The following SQOR variants were observed in gnomAD, a reference collection of about 807,000 sequenced individuals.
The protein encoded by SQOR is sulfide quinone oxidoreductase, also known as sulfide:quinone oxidoreductase, mitochondrial.
In SQOR, 39 loss-of-function variants were observed where a neutral mutation model predicts 48.6. That is an observed-to-expected ratio of 0.80 (90% CI 0.62 to 1.05). The LOEUF (loss-of-function observed/expected upper bound fraction) is 1.05, where lower values mean the gene tolerates loss of function less well. Among genes scored for constraint, SQOR ranks in the 50% least tolerant of loss-of-function variants. The pLI is 0.00. For synonymous variants in SQOR, 220 were observed against 206.2 expected, an observed-to-expected ratio of 1.07 and a Z score of -0.57; for missense variants, 561 against 559.9, an observed-to-expected ratio of 1.00 and a Z score of -0.02.
chr15:45,664,515 T>G (rs1889778367), intron 3 of SQOR, among the ~76,000 whole-genome samples: 1 of 152,122 alleles, frequency 6.6e-6, no homozygotes, highest in African/African-American at 2.4e-5. Context: ...TTATTCTGCT[T>G]TAAACACCAT....
chr15:45,683,988 T>C (rs1375542920), intron 7 of SQOR, among the ~76,000 whole-genome samples: 1 of 152,120 alleles, frequency 6.6e-6, no homozygotes, highest in Admixed American at 6.5e-5. Flanking sequence ...CTCAGCTCAC[T>C]GCAACCTCTG....
chr15:45,660,025 G>A (rs1477301826), intron 2 of SQOR, among the ~76,000 whole-genome samples: 3 of 152,192 alleles, frequency 2.0e-5, no homozygotes, highest in Non-Finnish European at 1.5e-5. Flanking sequence ...CAGATTATAA[G>A]GGAGAAAAGG....
At chr15:45,683,679 A>G (rs117746221) in intron 7 of SQOR, among the ~76,000 whole-genome samples, 4,076 of 152,236 alleles carry the variant, frequency 0.027, 92 homozygotes, top group South Asian at 0.086. Flanking sequence ...TGTCTTTTTC[A>G]TTATTAATAT....
rs756330144 is a variant in SQOR, at chr15:45,676,157, C to T, written c.711C>T (p.Phe237=). 53 of 1,614,030 alleles carry T rather than the reference C, an allele frequency of 3.3e-5. No individual in the cohort carries two copies. The highest frequency in any genetic ancestry group is 1.6e-4 in the South Asian group (15 of 91,080). ...IIFNTSLGAI[F]GVKKYADALQ... ...TCAACACTTCTCTTGGAGCCATTTT[C>T]GGGGTTAAGAAGTATGCAGATGCCC... The change falls in exon 6 of 10, where the codon TTC becomes TTT. Residue 237 remains phenylalanine (F), a synonymous_variant. Coordinates refer to ENST00000260324, the MANE Select transcript of SQOR (RefSeq NM_021199.4).
chr15:45,674,887 G>T (rs2140956876), intron 5 of SQOR, among the ~76,000 whole-genome samples: 1 of 152,294 alleles, frequency 6.6e-6, no homozygotes, highest in East Asian at 1.9e-4. Context: ...AGCTAGTCGT[G>T]TATGGGGACA....
At chr15:45,677,176 T>C (rs1890052149) in intron 6 of SQOR, among the ~76,000 whole-genome samples, 1 of 149,094 alleles carries the variant, frequency 6.7e-6, no homozygotes, top group South Asian at 2.1e-4. Context: ...ATCATTTGAT[T>C]TCTTCCTTCC....
intron 1 of SQOR, among the ~76,000 whole-genome samples, chr15:45,640,796 G>T (rs564403376): frequency 2.4e-4 from 36 of 152,278 alleles, no homozygotes; most frequent in African/African-American, 8.4e-4. Flanking sequence ...CCTGTTGTGT[G>T]ACTGGGAGTA....
intron 1 of SQOR, among the ~76,000 whole-genome samples, chr15:45,656,356 G>A (rs80147135): frequency 0.015 from 2,293 of 152,258 alleles, 67 homozygotes; most frequent in South Asian, 0.11. Context: ...CTGGAGTACA[G>A]TGGTGAAATC....
chr15:45,650,800 G>C (rs1595572465), intron 1 of SQOR, among the ~76,000 whole-genome samples: 1 of 152,190 alleles, frequency 6.6e-6, no homozygotes, highest in Non-Finnish European at 1.5e-5. Flanking sequence ...GCTGATTGGT[G>C]TATCTACAAT....
intron 1 of SQOR, among the ~76,000 whole-genome samples, chr15:45,647,215 C>T (rs1228590146): frequency 1.3e-5 from 2 of 152,038 alleles, no homozygotes; most frequent in Non-Finnish European, 2.9e-5. Context: ...TGCCACCGCA[C>T]TCCAGTCTGG....
At chr15:45,637,874 A>G (rs1416095662) in intron 1 of SQOR, among the ~76,000 whole-genome samples, 2 of 152,208 alleles carry the variant, frequency 1.3e-5, no homozygotes, top group African/African-American at 4.8e-5. Flanking sequence ...TTCTCCTTTC[A>G]CGTTTCCCTG....
At chr15:45,637,688 A>C (rs992376010) in intron 1 of SQOR, among the ~76,000 whole-genome samples, 22 of 152,206 alleles carry the variant, frequency 1.4e-4, no homozygotes, top group African/African-American at 5.1e-4. Context: ...GTGTTCTGCC[A>C]GTGAAAATGA....
intron 3 of SQOR, among the ~76,000 whole-genome samples, chr15:45,669,513 T>A (rs1309844726): frequency 2.0e-5 from 3 of 152,208 alleles, no homozygotes; most frequent in Non-Finnish European, 4.4e-5. Context: ...TAGGAAGCCC[T>A]TCTCTTACCT....
At chr15:45,656,387 C>T (rs552483001) in intron 1 of SQOR, among the ~76,000 whole-genome samples, 6 of 152,258 alleles carry the variant, frequency 3.9e-5, no homozygotes, top group Admixed American at 2.0e-4. Context: ...GTGGCCTTCA[C>T]CTCCCGGGCT....
chr15:45,636,653 T>C (rs1895012214), intron 1 of SQOR, among the ~76,000 whole-genome samples: 1 of 152,064 alleles, frequency 6.6e-6, no homozygotes, highest in Non-Finnish European at 1.5e-5. Flanking sequence ...ACGCCCACCT[T>C]GGACTCCCAA....
chr15:45,659,179 C>T, intron 2 of SQOR, 22 bp downstream of exon 2: 4 of 1,487,566 alleles, frequency 2.7e-6, no homozygotes, highest in Non-Finnish European at 3.6e-6. Context: ...CTTTTGAGGG[C>T]CTGGGTGTGT....
At chr15:45,682,125 A>G (rs969693452) in intron 6 of SQOR, among the ~76,000 whole-genome samples, 1 of 152,328 alleles carries the variant, frequency 6.6e-6, no homozygotes, top group Middle Eastern at 3.4e-3. Flanking sequence ...GGAGACTGCA[A>G]CTGAAATATA....
chr15:45,632,345 G>A (rs1295263347), upstream of SQOR, among the ~76,000 whole-genome samples: 4 of 151,686 alleles, frequency 2.6e-5, no homozygotes, highest in Non-Finnish European at 4.4e-5. Flanking sequence ...TCAGCCTCCC[G>A]AGTAGCTGGG....
chr15:45,655,153 G>A (rs1221317601), intron 1 of SQOR, among the ~76,000 whole-genome samples: 1 of 152,218 alleles, frequency 6.6e-6, no homozygotes, highest in Non-Finnish European at 1.5e-5. Context: ...ATCTGCCTAA[G>A]TAAATTTTTC....
Sources: gnomAD v4.1 joint callset for allele counts (sites outside exome capture counted in the v4.1 genomes callset) on GRCh38, gnomAD v4.1.1 for gene constraint, MANE v1.5 for transcripts, NCBI Gene and HGNC (gene_info 2026-07-23, HGNC 2026-07-21) for gene names.